THOC1: variants seen among roughly 807,000 people sequenced by gnomAD.
THOC1 encodes THO complex 1.
Under a neutral mutation model 97.3 loss-of-function variants are expected in THOC1, and 29 were observed. The observed-to-expected ratio is 0.30, with a 90% CI of 0.22 to 0.41. THOC1 has a LOEUF of 0.41. THOC1 is among the 10% of genes least tolerant of loss of function. The probability of loss-of-function intolerance (pLI) is 1.00; values close to 1 mark genes in which losing one functional copy is unlikely to be tolerated. For synonymous variants in THOC1, 255 were observed against 257.0 expected (o/e 0.99, Z 0.07); for missense variants, 529 against 761.9 (o/e 0.69, Z 3.60).
chr18:265,242 T>C (rs1430521818), intron 3 of THOC1, 61 bp downstream of exon 3: 5 of 1,401,046 alleles, frequency 3.6e-6, no homozygotes, highest in Non-Finnish European at 4.8e-6. Context: ...AAAAGCAATT[T>C]TTAAATAACA....
At position 252,474 on chromosome 18, in the gene THOC1, G is replaced by C. The variant is rs904091336; in HGVS notation, c.677+65C>G. ...TCCTTGTCTATCTCCTCACTCCAGAGAGGATACTCAATAAATTAGGAGATT... is the reference window on the plus strand; with the variant it reads ...TCCTTGTCTATCTCCTCACTCCAGACAGGATACTCAATAAATTAGGAGATT... On this transcript the variant is annotated intron_variant, in intron 9 of 20. Transcript: ENST00000261600. The C allele has an allele frequency of 3.2e-6, 4 of 1,232,030 alleles. No homozygotes were observed. In the East Asian group the frequency reaches 7.0e-5, roughly 21 times the overall value. 76.3% of individuals were successfully genotyped at this position (1,232,030 alleles called of 1,614,324 possible).
At chr18:266,325 G>A (rs1265300615) in intron 1 of THOC1, among the ~76,000 whole-genome samples, 1 of 152,046 alleles carries the variant, frequency 6.6e-6, no homozygotes, top group African/African-American at 2.4e-5. Flanking sequence ...TTATCTCTTT[G>A]TGCTTCATTT....
At chr18:263,089 C>CA (rs1912653034) in intron 4 of THOC1, among the ~76,000 whole-genome samples, 1 of 151,196 alleles carries the variant, frequency 6.6e-6, no homozygotes. Context: ...TGCAGCTGCT[C>CA]TTTTTTTTTG....
intron 9 of THOC1, among the ~76,000 whole-genome samples, chr18:249,407 C>G (rs1202171456): frequency 6.6e-6 from 1 of 152,114 alleles, no homozygotes; most frequent in South Asian, 2.1e-4. Flanking sequence ...TGGCTCACAC[C>G]TGTAATCCCA....
rs923114483 is a variant in THOC1, at chr18:227,235, A to G, written c.919-334T>C. Among the ~76,000 whole-genome samples the G allele has an allele frequency of 2.6e-5, 4 of 152,134 alleles. No individual in the cohort carries two copies. The East Asian group carries it at 5.8e-4, about 22-fold the overall frequency. On this transcript the variant is annotated intron_variant, in intron 11 of 20. Coordinates refer to ENST00000261600, the MANE Select transcript of THOC1 (RefSeq NM_005131.3). ...CACAAAGCCTATTATAGTCCCAGCTACTCAGGAAGCTGAGAAGGAGGATCA... is the reference window on the plus strand; with the variant it reads ...CACAAAGCCTATTATAGTCCCAGCTGCTCAGGAAGCTGAGAAGGAGGATCA...
At chr18:263,919 G>A (rs912747809) in intron 4 of THOC1, 107 bp downstream of exon 4, 1 of 851,880 alleles carries the variant, frequency 1.2e-6, no homozygotes, top group East Asian at 2.7e-5. Flanking sequence ...AGAACTTGAA[G>A]AATAAACAAA....
intron 11 of THOC1, among the ~76,000 whole-genome samples, chr18:227,584 G>A (rs1258514140): frequency 7.2e-6 from 1 of 138,754 alleles, no homozygotes; most frequent in Non-Finnish European, 1.6e-5. Context: ...GATTAGAAAG[G>A]ACTTGAAGGT....
chr18:224,172 C>G lies in THOC1; in HGVS notation c.1216G>C (p.Asp406His). 17 of 1,606,410 alleles carry G rather than the reference C, an allele frequency of 1.1e-5. No individual in the cohort carries two copies. Among genetic ancestry groups the G allele is most frequent in the Non-Finnish European group, 1.3e-5 (15 of 1,175,440 alleles). Residue 406 changes from aspartate to histidine, a missense_variant, in exon 16 of 21, where the codon GAT becomes CAT. Around this residue, in one of 8 missense-constraint regions of THOC1, gnomAD observed 123 missense variants for 159.0 expected, o/e 0.77. Coordinates refer to ENST00000261600, the MANE Select transcript of THOC1 (RefSeq NM_005131.3). ...CPSFVKERTS[D>H]TKPTRIIRKR... ...CGAATTATTCTCGTAGGTTTGGTAT[C>G]TGATGTTCTGTCGTGAACAAAACAT... is the stretch of plus-strand genomic sequence containing the variant.
intron 11 of THOC1, chr18:244,366 T>C (rs1912014428): frequency 6.6e-6 from 1 of 152,160 alleles, no homozygotes; most frequent in Non-Finnish European, 1.5e-5. Context: ...AGAACATCCT[T>C]GAGTAGTTTT....
chr18:250,198 T>C (rs973676353), intron 9 of THOC1, among the ~76,000 whole-genome samples: 1 of 152,188 alleles, frequency 6.6e-6, no homozygotes, highest in African/African-American at 2.4e-5. Flanking sequence ...AGTTGAGGCA[T>C]TAATATATTT....
Position 252,539 on chromosome 18 carries a change from C to T in THOC1, c.677G>A (p.Cys226Tyr). The T allele has an allele frequency of 6.2e-7, 1 of 1,610,712 alleles. No homozygotes were observed. The highest frequency in any genetic ancestry group is 1.3e-5 in the African/African-American group (1 of 74,810). Reference protein sequence around the residue: ...EMGDEEAPTTCSIPIDYNLYR... With the variant: ...EMGDEEAPTTYSIPIDYNLYR... ...AAAAGCTTAGGCTCTGAAAACTCAC[C>T]ACGTTGTTGGAGCTTCCTCGTCTCC... Residue 226 changes from cysteine (C) to tyrosine (Y), a missense_variant and splice_region_variant, in exon 9 of 21, where the codon TGC (cysteine) becomes TAC (tyrosine). Physicochemically the swap from Cys to Tyr is radical, Grantham distance 194. Around this residue, in one of 8 missense-constraint regions of THOC1, gnomAD observed 92 missense variants for 127.0 expected, o/e 0.72. Coordinates refer to ENST00000261600, the MANE Select transcript of THOC1 (RefSeq NM_005131.3).
intron 13 of THOC1, 39 bp downstream of exon 13, chr18:225,298 C>A (rs1200058624): frequency 1.2e-6 from 2 of 1,607,356 alleles, no homozygotes; most frequent in Admixed American, 3.4e-5. Flanking sequence ...CCTAAATTTC[C>A]ATTTTTTCAA....
chr18:266,093 G>GGCGACC (rs1912758401), intron 1 of THOC1, among the ~76,000 whole-genome samples: 1 of 152,180 alleles, frequency 6.6e-6, no homozygotes, highest in Non-Finnish European at 1.5e-5. Flanking sequence ...ATCTTGTTCA[G>GGCGACC]TCCCTGACAC....
intron 4 of THOC1, among the ~76,000 whole-genome samples, chr18:261,483 G>C (rs888283739): frequency 6.6e-6 from 1 of 152,196 alleles, no homozygotes; most frequent in Non-Finnish European, 1.5e-5. Context: ...TAAAACAGCA[G>C]ATTTCAACTC....
intron 11 of THOC1, among the ~76,000 whole-genome samples, chr18:234,361 G>A (rs946224172): frequency 2.0e-5 from 3 of 152,026 alleles, no homozygotes; most frequent in African/African-American, 7.2e-5. Context: ...CTTCTTTTTG[G>A]ATTTAATGGG....
At position 254,250 on chromosome 18, in the gene THOC1, A is replaced by C; in HGVS notation, c.603+23T>G. The C allele has an allele frequency of 3.3e-6, 5 of 1,509,926 alleles. No individual in the cohort carries two copies. The highest frequency in any genetic ancestry group is 4.5e-6 in the Non-Finnish European group (5 of 1,103,788). The allele number at this position is 1,509,926 out of a possible 1,614,324, so 93.5% of individuals were successfully genotyped here. On this transcript the variant is annotated intron_variant, in intron 8 of 20. Transcript: ENST00000261600. The surrounding 1 kb of genome is among the most constrained non-coding windows in gnomAD (Gnocchi z 4.1). The stretch of plus-strand genomic sequence containing the variant: ...AACAAACTTGCAAATATGTTATCTG[A>C]GAAGATTTCAAATCAGCCTCACCTT...
chr18:235,678 T>C (rs1911655248), intron 11 of THOC1, among the ~76,000 whole-genome samples: 1 of 152,188 alleles, frequency 6.6e-6, no homozygotes, highest in African/African-American at 2.4e-5. Context: ...ATTTTAGAAT[T>C]CTAATTTGAT....
At position 268,037 on chromosome 18, in the gene THOC1, C is replaced by A; in HGVS notation, c.-18G>T. ...GGAGACATCTTCTCGGCTGCGCGTG[C>A]CCGCCACTGCGCTGCGGCGCCTGCC... is the stretch of plus-strand genomic sequence containing the variant. On this transcript the variant is annotated 5_prime_UTR_variant, in exon 1 of 21. Transcript: ENST00000261600. The A allele has an allele frequency of 6.3e-7, 1 of 1,583,998 alleles. No individual in the cohort carries two copies. Among genetic ancestry groups the A allele is most frequent in the Admixed American group, 1.8e-5 (1 of 56,652 alleles).
intron 9 of THOC1, among the ~76,000 whole-genome samples, chr18:249,969 T>G (rs535254577): frequency 2.6e-5 from 4 of 152,288 alleles, no homozygotes; most frequent in Admixed American, 2.6e-4. Flanking sequence ...ATGCAACCAT[T>G]ATATGTCCCT....
Sources: allele counts gnomAD v4.1 joint callset (sites outside exome capture counted in the v4.1 genomes callset), GRCh38; gene constraint gnomAD v4.1.1; regional missense constraint gnomAD v4.1.1; non-coding constraint Gnocchi (gnomAD v3.1); transcripts MANE v1.5; gene names NCBI Gene and HGNC (gene_info 2026-07-23, HGNC 2026-07-21).